POLR1E: variants seen among roughly 807,000 people sequenced by gnomAD.
POLR1E encodes DNA-directed RNA polymerase I subunit RPA49.
A neutral mutation model predicts 50.9 loss-of-function variants in POLR1E; 37 were observed. That is an observed-to-expected ratio of 0.73 (90% CI 0.56 to 0.96). POLR1E has a LOEUF of 0.96. POLR1E is among the 40% of genes least tolerant of loss of function. POLR1E has a pLI of 0.00. For synonymous variants in POLR1E, 166 were observed against 191.6 expected, an observed-to-expected ratio of 0.87 and a Z score of 1.10; for missense variants, 426 against 518.1, an observed-to-expected ratio of 0.82 and a Z score of 1.73.
At chr9:37,498,009 G>C in intron 8 of POLR1E, 82 bp from the exon 9 acceptor site, 1 of 1,501,238 alleles carries the variant, frequency 6.7e-7, no homozygotes, top group South Asian at 1.2e-5. Flanking sequence ...GGCGCCTGCT[G>C]TTCTCGTTGT....
chr9:37,500,842 G>A lies in POLR1E; in HGVS notation c.889G>A (p.Ala297Thr). Residue 297 changes from alanine (A) to threonine (T), a missense_variant and splice_region_variant, in exon 10 of 12, where the codon GCT becomes ACT. Coordinates refer to ENST00000377798, the MANE Select transcript of POLR1E (RefSeq NM_022490.4). ...TCAAACTCAACTTTGTGTTGTAGGT[G>A]CTCTGGGACCTGGAGTTCCCCACAT... The part of the protein sequence containing the change: ...RAHRVVKRKS[A>T]LGPGVPHIIN... 1 of 1,611,890 alleles carries A rather than the reference G, an allele frequency of 6.2e-7. No homozygotes were observed. Among genetic ancestry groups the A allele is most frequent in the East Asian group, 2.2e-5 (1 of 44,870 alleles).
Position 37,501,846 on chromosome 9 carries a change from T to A in POLR1E, c.1100+2T>A, listed in dbSNP as rs779044571. ...GGACTTGAAGCTCAGTGAGAAAAGG[T>A]GAGCACAACAGAATAAAGAGCTCCC... On this transcript the variant is annotated splice_donor_variant, in intron 11 of 11. Coordinates refer to ENST00000377798, the MANE Select transcript of POLR1E (RefSeq NM_022490.4). LOFTEE classifies it high-confidence loss of function. 2.5e-6 allele frequency: 4 copies of A among 1,612,276 alleles called. No homozygotes were observed. Among genetic ancestry groups the A allele is most frequent in the Non-Finnish European group, 3.4e-6 (4 of 1,179,606 alleles).
chr9:37,486,700 C>T lies in POLR1E; in HGVS notation c.77-3C>T, dbSNP rs767940060. 1.2e-6 allele frequency: 2 copies of T among 1,614,240 alleles called. No homozygotes were observed. Among genetic ancestry groups the T allele is most frequent in the South Asian group, 2.2e-5 (2 of 91,084 alleles). ...ATCTCATTCTTGGGCTGCACTCTTA[C>T]AGTCCAGTTCTCCAACGGGAAGCTA... On this transcript the variant is annotated splice_polypyrimidine_tract_variant and splice_region_variant and intron_variant, in intron 1 of 11. Transcript: ENST00000377798.
intron 4 of POLR1E, chr9:37,490,577 CACCCGTTT>C (rs1820665277): frequency 5.6e-6 from 4 of 718,558 alleles, no homozygotes; most frequent in Non-Finnish European, 1.0e-5. Flanking sequence ...CATCTTTCTT[CACCCGTTT>C]CATGAAGCTT....
Position 37,503,229 on chromosome 9 carries a change from T to G in POLR1E, c.*27T>G, listed in dbSNP as rs556149286. The G allele has an allele frequency of 7.6e-5, 120 of 1,574,944 alleles. No individual in the cohort carries two copies. The South Asian group carries it at 1.3e-3, about 17-fold the overall frequency. ...CGCATGCTTTCCAGACAGGGCGTTT[T>G]GGCTGCATCACAGCCACTGGCTGGT... On this transcript the variant is annotated 3_prime_UTR_variant, in exon 12 of 12. Transcript: ENST00000377798.
At chr9:37,495,788 T>C in intron 7 of POLR1E, 102 bp from the exon 8 acceptor site, 1 of 823,706 alleles carries the variant, frequency 1.2e-6, no homozygotes, top group Non-Finnish European at 2.1e-6. Context: ...TCTTTGGCTC[T>C]CTGAGCCTGT....
At position 37,488,240 on chromosome 9, in the gene POLR1E, A is replaced by T. The variant is rs577865304; in HGVS notation, c.257+301A>T. On this transcript the variant is annotated intron_variant, in intron 3 of 11. Coordinates refer to ENST00000377798, the MANE Select transcript of POLR1E (RefSeq NM_022490.4). ...TTGGAATGTGTGACTAGTAGGTCAA[A>T]GCTTGCGTGAAGTTTACCTGGGAAC... 5.4e-4 allele frequency among the ~76,000 whole-genome samples: 82 copies of T among 152,208 alleles called. 1 individual carries two copies. The highest frequency in any genetic ancestry group is 9.0e-4 in the Non-Finnish European group (61 of 68,034).
intron 4 of POLR1E, among the ~76,000 whole-genome samples, chr9:37,489,800 T>C (rs149906006): frequency 0.048 from 7,377 of 152,240 alleles, 601 homozygotes; most frequent in African/African-American, 0.17. Flanking sequence ...TCTCAAACTC[T>C]TGACCTCAGG....
chr9:37,492,740 G>T, intron 5 of POLR1E, 25 bp downstream of exon 5: 1 of 1,608,284 alleles, frequency 6.2e-7, no homozygotes, highest in South Asian at 1.1e-5. Context: ...ATTAAGATGT[G>T]GGACCTTAAG....
At position 37,500,921 on chromosome 9, in the gene POLR1E, G is replaced by A; in HGVS notation, c.968G>A (p.Arg323Lys). The stretch of plus-strand genomic sequence containing the variant: ...ACTTGCTTGACCTACAACAATGGCA[G>A]GTCAGGGGGTGGTTGCTGGGATTTT... ...HFTCLTYNNG[R>K]LRNLISDSMK... The change falls in exon 10 of 12, where the codon AGA (arginine) becomes AAA (lysine). Residue 323 changes from arginine (R) to lysine (K), a missense_variant and splice_region_variant. Transcript: ENST00000377798. 1 of 1,611,878 alleles carries A rather than the reference G, an allele frequency of 6.2e-7. No homozygotes were observed. The highest frequency in any genetic ancestry group is 8.5e-7 in the Non-Finnish European group (1 of 1,178,160).
At chr9:37,489,802 GACCTC>G (rs1820648180) in intron 4 of POLR1E, among the ~76,000 whole-genome samples, 1 of 152,160 alleles carries the variant, frequency 6.6e-6, no homozygotes, top group Non-Finnish European at 1.5e-5. Context: ...TCAAACTCTT[GACCTC>G]AGGTGATCCA....
intron 6 of POLR1E, 87 bp downstream of exon 6, chr9:37,493,790 T>A (rs1264735456): frequency 7.5e-7 from 1 of 1,340,112 alleles, no homozygotes; most frequent in Non-Finnish European, 9.8e-7. Flanking sequence ...ACACATGGAA[T>A]GCTGGGAGCT....
intron 4 of POLR1E, among the ~76,000 whole-genome samples, chr9:37,491,563 T>A (rs7035434): frequency 0.46 from 69,757 of 151,470 alleles, 18,427 homozygotes; most frequent in African/African-American, 0.74. Flanking sequence ...TCCCGGGTTC[T>A]AGCGATTTTC....
In POLR1E at chr9:37,492,677, C is replaced by T. The variant is rs1820705930; in HGVS notation, c.364C>T (p.Leu122=). 2 of 1,613,912 alleles carry T rather than the reference C, an allele frequency of 1.2e-6. No individual in the cohort carries two copies. Among genetic ancestry groups the T allele is most frequent in the African/African-American group, 1.3e-5 (1 of 74,910 alleles). The change falls in exon 5 of 12, where the codon CTG becomes TTG. Residue 122 remains leucine (L), a synonymous_variant. Coordinates refer to ENST00000377798, the MANE Select transcript of POLR1E (RefSeq NM_022490.4). The part of the protein sequence containing the change: ...LFSDVSVESE[L]ALESQTKTYR... ...GATAGATGTATCAGTTGAGAGTGAA[C>T]TGGCGCTAGAGAGTCAGACCAAAAC...
At chr9:37,493,275 G>A (rs1339917516) in intron 5 of POLR1E, among the ~76,000 whole-genome samples, 2 of 152,152 alleles carry the variant, frequency 1.3e-5, no homozygotes, top group East Asian at 1.9e-4. Flanking sequence ...TGTCTGTTAC[G>A]GGCATAGGAT....
At chr9:37,500,752 C>A in intron 9 of POLR1E, 88 bp from the exon 10 acceptor site, 1 of 1,016,638 alleles carries the variant, frequency 9.8e-7, no homozygotes, top group South Asian at 1.4e-5. Context: ...TGCAGTGGCC[C>A]AGCTGTTGGC....
chr9:37,500,654 G>C (rs1391607530), intron 9 of POLR1E, among the ~76,000 whole-genome samples, 186 bp from the exon 10 acceptor site: 1 of 152,184 alleles, frequency 6.6e-6, no homozygotes, highest in Admixed American at 6.5e-5. Flanking sequence ...CAAACTGCAG[G>C]CTGCAGCACA....
chr9:37,486,372 C>G (rs1023173993), intron 1 of POLR1E: 1 of 1,485,324 alleles, frequency 6.7e-7, no homozygotes, highest in African/African-American at 1.4e-5. Flanking sequence ...ACCCCCTCAC[C>G]CACCAGGTCT....
At chr9:37,494,345 A>T (rs1385942264) in intron 6 of POLR1E, among the ~76,000 whole-genome samples, 1 of 152,078 alleles carries the variant, frequency 6.6e-6, no homozygotes, top group Non-Finnish European at 1.5e-5. Flanking sequence ...TGCCCTGGGC[A>T]GAGCAGTTTT....
Sources: gnomAD v4.1 joint callset for allele counts (sites outside exome capture counted in the v4.1 genomes callset) on GRCh38, gnomAD v4.1.1 for gene constraint, MANE v1.5 for transcripts, NCBI Gene and HGNC (gene_info 2026-07-23, HGNC 2026-07-21) for gene names.